The following CPQ variants were observed in gnomAD, a reference collection of about 807,000 sequenced individuals.
CPQ encodes carboxypeptidase Q.
In CPQ, 37 loss-of-function variants were observed where a neutral mutation model predicts 45.7. The observed-to-expected ratio is 0.81, with a 90% confidence interval of 0.62 to 1.07. The LOEUF is 1.07. Ranked by LOEUF, CPQ falls within the 50% of genes least tolerant of loss-of-function variation. The pLI, the probability that CPQ is intolerant of heterozygous loss-of-function variation, is 0.00. For missense variants in CPQ, 537 were observed against 572.9 expected (o/e 0.94, Z 0.64); for synonymous variants, 186 against 205.8 (o/e 0.90, Z 0.82).
chr8:96,770,633 A>T (rs1810527806), intron 1 of CPQ, among the ~76,000 whole-genome samples: 1 of 151,242 alleles, frequency 6.6e-6, no homozygotes. Context: ...TCTGATTCTA[A>T]TAAAAGTAGA....
At position 97,079,049 on chromosome 8, in the gene CPQ, C is replaced by T. The variant is rs137860529; in HGVS notation, c.1255+12839C>T. Among the ~76,000 whole-genome samples, 852 of 152,202 alleles carry T rather than the reference C, an allele frequency of 5.6e-3. 14 individuals carry two copies. Among genetic ancestry groups the T allele is most frequent in the African/African-American group, 0.018 (748 of 41,546 alleles). ...GAATTCCTGGGCTCAAGCAGTCCTCCCACCTCGGCTGCCCAAAGTGCTGAG... is the reference window on the plus strand; with the variant it reads ...GAATTCCTGGGCTCAAGCAGTCCTCTCACCTCGGCTGCCCAAAGTGCTGAG... On this transcript the variant is annotated intron_variant, in intron 7 of 7. Coordinates refer to ENST00000220763, the MANE Select transcript of CPQ (RefSeq NM_016134.4).
At chr8:96,849,221 A>T (rs1229905310) in intron 3 of CPQ, among the ~76,000 whole-genome samples, 1 of 152,198 alleles carries the variant, frequency 6.6e-6, no homozygotes, top group African/African-American at 2.4e-5. Context: ...TCGCAATAGC[A>T]TACTCTGAAT....
chr8:96,750,976 T>A (rs917209689), intron 1 of CPQ, among the ~76,000 whole-genome samples: 1 of 152,230 alleles, frequency 6.6e-6, no homozygotes, highest in African/African-American at 2.4e-5. Context: ...TTATTCCTTT[T>A]TATGGTTGCA....
intron 6 of CPQ, chr8:97,056,661 A>G (rs1478785868): frequency 6.6e-6 from 1 of 152,204 alleles, no homozygotes; most frequent in African/African-American, 2.4e-5. Context: ...GAACATGCTT[A>G]TATTTATCCT....
At chr8:97,109,995 C>G (rs1470014198) in intron 7 of CPQ, among the ~76,000 whole-genome samples, 1 of 152,120 alleles carries the variant, frequency 6.6e-6, no homozygotes, top group East Asian at 1.9e-4. Flanking sequence ...TCTATTTTTA[C>G]TGAGATACAA....
chr8:96,761,793 G>A (rs1294139844), intron 1 of CPQ, among the ~76,000 whole-genome samples: 1 of 152,230 alleles, frequency 6.6e-6, no homozygotes, highest in Non-Finnish European at 1.5e-5. Context: ...AGTTGACATA[G>A]TATTATAACT....
In CPQ at chr8:96,785,060, G is replaced by T. The variant is rs1810745612; in HGVS notation, c.163G>T (p.Val55Phe). 11 of 1,613,792 alleles carry T rather than the reference G, an allele frequency of 6.8e-6. No individual in the cohort carries two copies. The highest frequency in any genetic ancestry group is 8.5e-6 in the Non-Finnish European group (10 of 1,179,840). Residue 55 changes from valine to phenylalanine, a missense_variant, in exon 2 of 8, where the codon GTT becomes TTT. Physicochemically the swap from Val to Phe is conservative, Grantham distance 50. Transcript: ENST00000220763. The part of the protein sequence containing the change: ...DVAKAIINLA[V>F]YGKAQNRSYE... ...TGCTAAAGCAATCATCAACCTAGCT[G>T]TTTATGGTAAAGCCCAGAACAGATC...
At chr8:96,865,086 C>T (rs1454874138) in intron 3 of CPQ, among the ~76,000 whole-genome samples, 1 of 151,822 alleles carries the variant, frequency 6.6e-6, no homozygotes, top group African/African-American at 2.4e-5. Context: ...ACATTTATAA[C>T]AATAATAATA....
At chr8:96,931,021 G>A (rs914755115) in intron 4 of CPQ, among the ~76,000 whole-genome samples, 1 of 152,166 alleles carries the variant, frequency 6.6e-6, no homozygotes, top group Non-Finnish European at 1.5e-5. Flanking sequence ...TTCTTCCCCT[G>A]TCTTCTGTCA....
chr8:96,658,796 C>T (rs1439196087), intron 1 of CPQ, among the ~76,000 whole-genome samples: 1 of 151,662 alleles, frequency 6.6e-6, no homozygotes, highest in African/African-American at 2.4e-5. Flanking sequence ...ATGTGGGTGG[C>T]CACGAGCCAA....
At chr8:96,725,900 A>C (rs1334161139) in intron 1 of CPQ, among the ~76,000 whole-genome samples, 1 of 152,224 alleles carries the variant, frequency 6.6e-6, no homozygotes, top group Non-Finnish European at 1.5e-5. Flanking sequence ...AATACTACAC[A>C]GCCATAAAAA....
intron 1 of CPQ, among the ~76,000 whole-genome samples, chr8:96,756,206 T>G (rs568697637): frequency 1.3e-5 from 2 of 152,248 alleles, no homozygotes; most frequent in East Asian, 3.9e-4. Context: ...TTTTCTTAGA[T>G]GAATAACTTT....
intron 3 of CPQ, among the ~76,000 whole-genome samples, chr8:96,861,743 A>T (rs745529343): frequency 2.6e-5 from 4 of 152,168 alleles, no homozygotes; most frequent in Admixed American, 6.5e-5. Flanking sequence ...CATACAAATG[A>T]CAAACACAAA....
chr8:97,094,933 T>C (rs1223420928), intron 7 of CPQ, among the ~76,000 whole-genome samples: 1 of 152,192 alleles, frequency 6.6e-6, no homozygotes, highest in African/African-American at 2.4e-5. Flanking sequence ...TTTGGCCAAA[T>C]TGAACTGGTG....
At chr8:97,036,617 C>T (rs1373687158) in intron 6 of CPQ, among the ~76,000 whole-genome samples, 4 of 152,154 alleles carry the variant, frequency 2.6e-5, no homozygotes, top group Non-Finnish European at 5.9e-5. Flanking sequence ...CTCTTCTCTT[C>T]TCTTGGAAGG....
chr8:97,065,348 A>G (rs1272103663), intron 6 of CPQ, among the ~76,000 whole-genome samples: 2 of 152,216 alleles, frequency 1.3e-5, no homozygotes, highest in African/African-American at 4.8e-5. Flanking sequence ...TTATTTGGAA[A>G]GAGTTTATGA....
At chr8:96,716,941 A>G (rs929354193) in intron 1 of CPQ, among the ~76,000 whole-genome samples, 7 of 148,962 alleles carry the variant, frequency 4.7e-5, no homozygotes, top group African/African-American at 1.7e-4. Flanking sequence ...ACACGCAAGA[A>G]TAATAATCTT....
chr8:97,023,016 T>TATATATATACTATATAC (rs1554584143), intron 5 of CPQ, among the ~76,000 whole-genome samples: 3 of 133,654 alleles, frequency 2.2e-5, no homozygotes, highest in Admixed American at 7.6e-5. Flanking sequence ...ATACTATATA[T>TATATATATACTATATAC]AGTATATATA....
Position 96,693,622 on chromosome 8 carries a change from T to C in CPQ, c.-35+48220T>C, listed in dbSNP as rs555654360. On this transcript the variant is annotated intron_variant, in intron 1 of 7. Coordinates refer to ENST00000220763, the MANE Select transcript of CPQ (RefSeq NM_016134.4). The stretch of plus-strand genomic sequence containing the variant: ...ATAGTATATCCAGCAAAAATATTCT[T>C]TGATCATGAAGGAGACATAAAGACT... Among the ~76,000 whole-genome samples, 18 of 152,278 alleles carry C rather than the reference T, an allele frequency of 1.2e-4. 1 individual carries two copies. The South Asian group carries it at 3.5e-3, about 30-fold the overall frequency.
Sources: gnomAD v4.1 joint callset for allele counts (sites outside exome capture counted in the v4.1 genomes callset) on GRCh38, gnomAD v4.1.1 for gene constraint, MANE v1.5 for transcripts, NCBI Gene and HGNC (gene_info 2026-07-23, HGNC 2026-07-21) for gene names.